The following TDRD15 variants were observed in gnomAD, a reference collection of about 807,000 sequenced individuals.
TDRD15 encodes the protein tudor domain-containing protein 15.
For missense variants in TDRD15, 1,416 were observed against 904.7 expected (o/e 1.57, Z -7.25); for synonymous variants, 503 against 314.5 (o/e 1.60, Z -6.34).
Position 21,141,557 on chromosome 2 carries a change from A to G in TDRD15, c.4090A>G (p.Ile1364Val), listed in dbSNP as rs188298270. The change falls in exon 4 of 4, where the codon ATT (isoleucine) becomes GTT (valine). Residue 1364 changes from isoleucine to valine, a missense_variant. Ile to Val is a conservative substitution (Grantham distance 29). Coordinates refer to ENST00000405799, the MANE Select transcript of TDRD15 (RefSeq NM_001306137.2). The stretch of plus-strand genomic sequence containing the variant: ...TGACAATGCCATTTACAGGGCAGTT[A>G]TTAAGAAAATTTTGCCAGGAAATTC... ...SGDNAIYRAVIKKILPGNSFE... is the reference protein window; with the variant it reads ...SGDNAIYRAVVKKILPGNSFE... 12 of 714,828 alleles carry G rather than the reference A, an allele frequency of 1.7e-5. No individual in the cohort carries two copies. The Admixed American group carries it at 1.8e-4, about 11-fold the overall frequency. 44.3% of individuals were successfully genotyped at this position (714,828 alleles called of 1,614,324 possible). A position where few individuals can be genotyped will look rare whatever the true frequency, so the allele number is the denominator to read the frequency against.
chr2:21,130,414 T>C (rs958010925), intron 2 of TDRD15, among the ~76,000 whole-genome samples: 4 of 152,218 alleles, frequency 2.6e-5, no homozygotes, highest in South Asian at 2.1e-4. Context: ...TTTACAGTAG[T>C]GCGGAAGCAA....
In TDRD15 at chr2:21,133,701, T is replaced by G. The variant is rs192133801; in HGVS notation, c.-89-1061T>G. ...TAATACAAGGAACTATTATTTTACC[T>G]GCTTTAAGATTTTTGACAAAATTTA... On this transcript the variant is annotated intron_variant, in intron 2 of 3. Transcript: ENST00000405799. 5.8e-3 allele frequency among the ~76,000 whole-genome samples: 876 copies of G among 152,228 alleles called. 3 individuals carry two copies. Among genetic ancestry groups the G allele is most frequent in the Non-Finnish European group, 8.9e-3 (608 of 67,960 alleles).
In TDRD15 at chr2:21,143,808, G is replaced by C. The variant is rs1326974478; in HGVS notation, c.*536G>C. Among the ~76,000 whole-genome samples, 1 of 151,660 alleles carries C rather than the reference G, an allele frequency of 6.6e-6. No homozygotes were observed. The highest frequency in any genetic ancestry group is 1.5e-5 in the Non-Finnish European group (1 of 67,718). ...GCAGGAAAACTTACTAGAAAATCTG[G>C]ATAAACGGATGAACTGGAAGTGGCC... On this transcript the variant is annotated 3_prime_UTR_variant, in exon 4 of 4. Coordinates refer to ENST00000405799, the MANE Select transcript of TDRD15 (RefSeq NM_001306137.2).
At chr2:21,129,844 G>T (rs753187099) in intron 2 of TDRD15, among the ~76,000 whole-genome samples, 2 of 152,176 alleles carry the variant, frequency 1.3e-5, no homozygotes, top group African/African-American at 4.8e-5. Context: ...ATAAAGAAAA[G>T]GAATTTATTT....
intron 2 of TDRD15, among the ~76,000 whole-genome samples, chr2:21,130,954 C>G (rs1306244382): frequency 6.6e-6 from 1 of 152,114 alleles, no homozygotes; most frequent in Non-Finnish European, 1.5e-5. Context: ...CTCATAAAAT[C>G]ACTTCTGTTG....
chr2:21,125,174 G>A (rs1196760167), intron 1 of TDRD15, among the ~76,000 whole-genome samples: 1 of 151,124 alleles, frequency 6.6e-6, no homozygotes, highest in African/African-American at 2.4e-5. Flanking sequence ...CTAATGTCAG[G>A]GTGTGTGTGA....
intron 1 of TDRD15, among the ~76,000 whole-genome samples, chr2:21,125,510 A>T (rs989871729): frequency 3.7e-4 from 56 of 150,170 alleles, no homozygotes; most frequent in African/African-American, 1.4e-3. Context: ...TGTGTGCGTG[A>T]GAGAGAGAGT....
At chr2:21,145,177 A>T (rs1171704552), downstream of TDRD15, among the ~76,000 whole-genome samples, 1 of 151,994 alleles carries the variant, frequency 6.6e-6, no homozygotes, top group Non-Finnish European at 1.5e-5. Context: ...CCAAGCTATT[A>T]TCACCACTTT....
chr2:21,131,490 G>A (rs1312573368), intron 2 of TDRD15, among the ~76,000 whole-genome samples: 4 of 152,122 alleles, frequency 2.6e-5, no homozygotes. Flanking sequence ...ATCAAAGAAC[G>A]TCTTCAGTTA....
chr2:21,138,837 C>T lies in TDRD15; in HGVS notation c.1370C>T (p.Ser457Leu), dbSNP rs1410567845. 2.8e-6 allele frequency: 2 copies of T among 714,558 alleles called. No homozygotes were observed. The highest frequency in any genetic ancestry group is 1.8e-5 in the African/African-American group (1 of 57,044). The allele number at this position is 714,558 out of a possible 1,614,324, so 44.3% of individuals were successfully genotyped here. ...AGTTTTATGGGAAATATTGAATGGTCAATAGACTCTCTAAATAAAAAAGGC... is the reference window on the plus strand; with the variant it reads ...AGTTTTATGGGAAATATTGAATGGTTAATAGACTCTCTAAATAAAAAAGGC... ...VESFMGNIEW[S>L]IDSLNKKGIL... Residue 457 changes from serine to leucine, a missense_variant, in exon 4 of 4, where the codon TCA (serine) becomes TTA (leucine). Transcript: ENST00000405799.
In TDRD15 at chr2:21,142,823, AGTT is replaced by A. The variant is rs1183570900; in HGVS notation, c.5360_5362del (p.Cys1787del). 2 of 714,874 alleles carry A rather than the reference AGTT, an allele frequency of 2.8e-6. No individual in the cohort carries two copies. The highest frequency in any genetic ancestry group is 1.7e-5 in the African/African-American group (1 of 57,148). The allele number at this position is 714,874 out of a possible 1,614,324, so 44.3% of individuals were successfully genotyped here. ...TCAGGAGTTCATAATTCCCGGTTCT[AGTT>A]GTTTGTTCAAATATAAATCGGAAGA... On this transcript the variant is annotated inframe_deletion, in exon 4 of 4. Transcript: ENST00000405799.
chr2:21,144,920 G>C (rs1666008057), downstream of TDRD15, among the ~76,000 whole-genome samples: 1 of 151,916 alleles, frequency 6.6e-6, no homozygotes, highest in Non-Finnish European at 1.5e-5. Flanking sequence ...ACAGACAAGA[G>C]AATCTTCTTG....
In TDRD15 at chr2:21,143,940, C is replaced by T. The variant is rs760462433; in HGVS notation, c.*668C>T. On this transcript the variant is annotated 3_prime_UTR_variant, in exon 4 of 4. Transcript: ENST00000405799. ...CACACATGCATGCACACACGCATGA[C>T]GTTTCACAAATAATTTCAAGGGTTT... Among the ~76,000 whole-genome samples the T allele has an allele frequency of 1.3e-5, 2 of 151,650 alleles. No individual in the cohort carries two copies. The highest frequency in any genetic ancestry group is 2.4e-5 in the African/African-American group (1 of 41,372).
intron 2 of TDRD15, among the ~76,000 whole-genome samples, chr2:21,130,084 G>C (rs1444926788): frequency 6.6e-6 from 1 of 152,128 alleles, no homozygotes; most frequent in Non-Finnish European, 1.5e-5. Flanking sequence ...GTACCCTCCT[G>C]ACCTATTCAC....
rs1474645085 is a variant in TDRD15 at position 21,138,757 on chromosome 2, C to A, written c.1290C>A (p.Ile430=). 1 of 715,640 alleles carries A rather than the reference C, an allele frequency of 1.4e-6. No individual in the cohort carries two copies. The highest frequency in any genetic ancestry group is 2.6e-6 in the Non-Finnish European group (1 of 384,094). The allele number at this position is 715,640 out of a possible 1,614,324, so 44.3% of individuals were successfully genotyped here. The change falls in exon 4 of 4, where the codon ATC becomes ATA. Residue 430 remains isoleucine, a synonymous_variant. Transcript: ENST00000405799. ...TTTGTCCGATGTCTGATTCAAAAAT[C>A]TCCAATATCTTGAGTGAGACAAGTG... ...QVLCPMSDSK[I]SNILSETSVS... is the part of the protein sequence containing the mutation.
chr2:21,131,010 C>T (rs1054303531), intron 2 of TDRD15, among the ~76,000 whole-genome samples: 2 of 152,140 alleles, frequency 1.3e-5, no homozygotes, highest in African/African-American at 4.8e-5. Flanking sequence ...TTTGATGTAA[C>T]TAGTTGAGTT....
chr2:21,140,269 C>T lies in TDRD15; in HGVS notation c.2802C>T (p.Gly934=), dbSNP rs977112777. The T allele has an allele frequency of 1.1e-5, 8 of 715,308 alleles. No homozygotes were observed. In the South Asian group the frequency reaches 1.2e-4, roughly 11 times the overall value. 44.3% of individuals were successfully genotyped at this position (715,308 alleles called of 1,614,324 possible). ...TSAKEFLMNR[G]SAQYITLSET... ...CAAAAGAATTTCTTATGAATCGTGGCTCTGCTCAGTATATCACATTATCAG... is the reference window on the plus strand; with the variant it reads ...CAAAAGAATTTCTTATGAATCGTGGTTCTGCTCAGTATATCACATTATCAG... The change falls in exon 4 of 4, where the codon GGC becomes GGT. Residue 934 remains glycine (G), a synonymous_variant. Coordinates refer to ENST00000405799, the MANE Select transcript of TDRD15 (RefSeq NM_001306137.2).
In TDRD15 at chr2:21,140,542, T is replaced by G. The variant is rs768446770; in HGVS notation, c.3075T>G (p.Asp1025Glu). ...TGTGCATATCTAAGTATGTAGAGGA[T>G]GGTCTCTCATACAGAGCTTTAGCAA... Reference protein sequence around the residue: ...MRVCISKYVEDGLSYRALAIP... With the variant: ...MRVCISKYVEEGLSYRALAIP... Residue 1025 changes from aspartate to glutamate, a missense_variant, in exon 4 of 4, where the codon GAT (aspartate) becomes GAG (glutamate). By Grantham distance (45) the Asp-to-Glu change is conservative (BLOSUM62 2). Coordinates refer to ENST00000405799, the MANE Select transcript of TDRD15 (RefSeq NM_001306137.2). The G allele has an allele frequency of 1.0e-5, 7 of 702,024 alleles. No homozygotes were observed. The highest frequency in any genetic ancestry group is 1.8e-5 in the Non-Finnish European group (7 of 379,396). 43.5% of individuals were successfully genotyped at this position (702,024 alleles called of 1,614,324 possible).
chr2:21,133,237 AC>A (rs768053212), intron 2 of TDRD15, among the ~76,000 whole-genome samples: 41 of 152,312 alleles, frequency 2.7e-4, no homozygotes, highest in Non-Finnish European at 5.1e-4. Context: ...AGATGCTTCA[AC>A]TTGCAGTCTT....
Sources: allele counts gnomAD v4.1 joint callset (sites outside exome capture counted in the v4.1 genomes callset), GRCh38; gene constraint gnomAD v4.1.1; transcripts MANE v1.5; gene names NCBI Gene and HGNC (gene_info 2026-07-23, HGNC 2026-07-21).